ABCB7: variants seen among roughly 807,000 people sequenced by gnomAD.
The protein encoded by ABCB7 is iron-sulfur clusters transporter ABCB7, mitochondrial.
A neutral mutation model predicts 54.4 loss-of-function variants in ABCB7; 7 were observed. The ratio of observed to expected loss-of-function variants is 0.13; its 90% CI spans 0.07 to 0.24. The LOEUF (loss-of-function observed/expected upper bound fraction) is 0.24, where lower values mean the gene tolerates loss of function less well. Among genes scored for constraint, ABCB7 ranks in the 10% least tolerant of loss-of-function variants. ABCB7 has a pLI of 1.00. For synonymous variants in ABCB7, 218 were observed against 207.1 expected, an observed-to-expected ratio of 1.05 and a Z score of -0.45; for missense variants, 356 against 570.4, an observed-to-expected ratio of 0.62 and a Z score of 3.83.
chrX:75,114,570 G>C (rs1008145506), intron 2 of ABCB7, among the ~76,000 whole-genome samples, 184 bp downstream of exon 2: 2 of 112,063 alleles, frequency 1.8e-5, no homozygotes, highest in Non-Finnish European at 3.8e-5. Flanking sequence ...ATTTTTCCAG[G>C]GGTAGAAAAC....
chrX:75,063,587 T>G (rs1259825059), intron 13 of ABCB7, among the ~76,000 whole-genome samples: 1 of 110,937 alleles, frequency 9.0e-6, no homozygotes, highest in African/African-American at 3.3e-5. Context: ...AAGTACTATC[T>G]TCCCGCCTAC....
Position 75,083,049 on chromosome X carries a change from C to T in ABCB7, c.454-6395G>A, listed in dbSNP as rs181609337. 5.6e-4 allele frequency among the ~76,000 whole-genome samples: 62 copies of T among 111,289 alleles called. 1 individual carries two copies. The highest frequency in any genetic ancestry group is 9.6e-4 in the Non-Finnish European group (51 of 52,964). On this transcript the variant is annotated intron_variant, in intron 4 of 15. Coordinates refer to ENST00000373394, the MANE Select transcript of ABCB7 (RefSeq NM_001271696.3). Reference sequence around the variant, plus strand: ...AATTATTAATATATCAACATATTAGCGATGAACAGTTAGAAACCAAAATTT... The same window carrying T: ...AATTATTAATATATCAACATATTAGTGATGAACAGTTAGAAACCAAAATTT...
At chrX:75,053,715 C>T in intron 15 of ABCB7, 130 bp from the exon 16 acceptor site, 1 of 1,033,264 alleles carries the variant, frequency 9.7e-7, no homozygotes, top group Non-Finnish European at 1.3e-6. Flanking sequence ...CCCAATTCCT[C>T]ATACACAGTA....
chrX:75,057,320 G>A (rs761185309), intron 15 of ABCB7, among the ~76,000 whole-genome samples: 1 of 104,200 alleles, frequency 9.6e-6, no homozygotes, highest in African/African-American at 3.5e-5. Context: ...ATTCTCTTTT[G>A]TATCTTACTT....
At chrX:75,144,600 C>A (rs961073362) in intron 1 of ABCB7, among the ~76,000 whole-genome samples, 2 of 77,598 alleles carry the variant, frequency 2.6e-5, no homozygotes, top group Non-Finnish European at 5.0e-5. Context: ...GTTATACTGA[C>A]CTATTAGCAT....
chrX:75,066,260 C>A (rs1469335860), intron 12 of ABCB7, among the ~76,000 whole-genome samples: 1 of 110,909 alleles, frequency 9.0e-6, no homozygotes, highest in Non-Finnish European at 1.9e-5. Flanking sequence ...TTCACATTAA[C>A]CAGGATACCC....
At chrX:75,095,620 T>C (rs1183406461) in intron 4 of ABCB7, among the ~76,000 whole-genome samples, 3 of 112,411 alleles carry the variant, frequency 2.7e-5, no homozygotes, top group Non-Finnish European at 3.8e-5. Context: ...AAAAAGAAAA[T>C]TGTTTTCTAT....
intron 1 of ABCB7, among the ~76,000 whole-genome samples, chrX:75,153,588 T>TG (rs1406071753): frequency 9.2e-6 from 1 of 108,181 alleles, no homozygotes; most frequent in African/African-American, 3.3e-5. Flanking sequence ...CTCCCATTCT[T>TG]GGTCCATGAG....
At chrX:75,062,466 G>A (rs1338597814) in intron 13 of ABCB7, 35 bp from the exon 14 acceptor site, 19 of 1,028,600 alleles carry the variant, frequency 1.8e-5, no homozygotes, top group Non-Finnish European at 2.6e-5. Context: ...AGGAAGCATA[G>A]TGCATGCATA....
chrX:75,097,754 C>T (rs751333716), intron 4 of ABCB7, among the ~76,000 whole-genome samples: 3 of 111,501 alleles, frequency 2.7e-5, no homozygotes, highest in Non-Finnish European at 5.6e-5. Flanking sequence ...ACACTTTTTA[C>T]CATTATTTTT....
chrX:75,148,350 T>C (rs1379748677), intron 1 of ABCB7, among the ~76,000 whole-genome samples: 2 of 110,477 alleles, frequency 1.8e-5, no homozygotes, highest in Admixed American at 1.9e-4. Context: ...AATTAAATTT[T>C]TTTTGTTTGT....
intron 6 of ABCB7, among the ~76,000 whole-genome samples, chrX:75,074,927 C>A (rs1017566376): frequency 9.0e-6 from 1 of 110,691 alleles, no homozygotes; most frequent in African/African-American, 3.3e-5. Flanking sequence ...GTACACCACA[C>A]CCCAGTGACA....
chrX:75,120,762 C>A (rs1330161881), intron 1 of ABCB7, among the ~76,000 whole-genome samples: 3 of 110,464 alleles, frequency 2.7e-5, no homozygotes, highest in African/African-American at 9.9e-5. Context: ...CCTGGGAAAA[C>A]TGGCCTCATA....
chrX:75,142,209 T>C, intron 1 of ABCB7, among the ~76,000 whole-genome samples: 1 of 111,664 alleles, frequency 9.0e-6, no homozygotes, highest in Admixed American at 9.5e-5. Flanking sequence ...TTATATAAAA[T>C]GGTGTAGTAT....
chrX:75,123,677 A>G (rs185284463), intron 1 of ABCB7, among the ~76,000 whole-genome samples: 21 of 111,618 alleles, frequency 1.9e-4, no homozygotes, highest in Admixed American at 1.6e-3. Flanking sequence ...GTCCTCTTCA[A>G]TTTTTTTCAT....
intron 1 of ABCB7, among the ~76,000 whole-genome samples, chrX:75,142,907 T>TAA (rs2082064481): frequency 8.9e-6 from 1 of 112,456 alleles, no homozygotes; most frequent in African/African-American, 3.2e-5. Flanking sequence ...AAGTGTTTGT[T>TAA]AAAAGACTGG....
At chrX:75,056,849 A>C (rs2081244572) in intron 15 of ABCB7, among the ~76,000 whole-genome samples, 1 of 111,792 alleles carries the variant, frequency 8.9e-6, no homozygotes, top group Non-Finnish European at 1.9e-5. Context: ...AATAGTCTCA[A>C]AATGGTTACC....
intron 3 of ABCB7, among the ~76,000 whole-genome samples, chrX:75,102,657 T>C (rs946306456): frequency 9.0e-6 from 1 of 111,606 alleles, no homozygotes; most frequent in Non-Finnish European, 1.9e-5. Context: ...TACCTTTCCT[T>C]TGGATAAATA....
chrX:75,155,955 A>T, intron 1 of ABCB7, 150 bp downstream of exon 1: 1 of 651,988 alleles, frequency 1.5e-6, no homozygotes. Context: ...TCCTCAAATT[A>T]CTGACGTTAA....
Sources: gnomAD v4.1 joint callset for allele counts (sites outside exome capture counted in the v4.1 genomes callset) on GRCh38, gnomAD v4.1.1 for gene constraint, MANE v1.5 for transcripts, NCBI Gene and HGNC (gene_info 2026-07-23, HGNC 2026-07-21) for gene names.